The following FBXO8 variants were observed in gnomAD, a reference collection of about 807,000 sequenced individuals.
FBXO8 encodes F-box only protein 8.
FBXO8 carries 15 observed loss-of-function variants against 33.4 expected under a neutral mutation model. The observed-to-expected ratio is 0.45, with a 90% CI of 0.30 to 0.69. The LOEUF (loss-of-function observed/expected upper bound fraction) is 0.69, where lower values mean the gene tolerates loss of function less well. Ranked by LOEUF, FBXO8 falls within the 30% of genes least tolerant of loss-of-function variation. The pLI is 0.08. For synonymous variants in FBXO8, 132 were observed against 131.5 expected (o/e 1.00, Z -0.02); for missense variants, 274 against 380.3 (o/e 0.72, Z 2.32).
chr4:174,256,264 TATCTC>T lies in FBXO8; in HGVS notation c.456+3430_456+3434del, dbSNP rs1736412816. 2 of 381,134 alleles carry T rather than the reference TATCTC, an allele frequency of 5.2e-6. No individual in the cohort carries two copies. Among genetic ancestry groups the T allele is most frequent in the East Asian group, 7.2e-5 (1 of 13,840 alleles). 23.6% of individuals were successfully genotyped at this position (381,134 alleles called of 1,614,324 possible). On this transcript the variant is annotated intron_variant, in intron 3 of 5. Coordinates refer to ENST00000393674, the MANE Select transcript of FBXO8 (RefSeq NM_012180.3). This position sits in a 1 kb window ranked among gnomAD's most constrained non-coding sequence, Gnocchi z 4.6. The stretch of plus-strand genomic sequence containing the variant: ...CAATACTAAGCAATTATATACATCT[TATCTC>T]AGGTACTTGCAAAAAGCATCACATA...
Position 174,257,789 on chromosome 4 carries a change from C to T in FBXO8, c.456+1910G>A, listed in dbSNP as rs931219519. Among the ~76,000 whole-genome samples the T allele has an allele frequency of 2.6e-5, 4 of 152,122 alleles. No individual in the cohort carries two copies. Among genetic ancestry groups the T allele is most frequent in the Admixed American group, 2.6e-4 (4 of 15,272 alleles). On this transcript the variant is annotated intron_variant, in intron 3 of 5. Transcript: ENST00000393674. The surrounding 1 kb of genome is among the most constrained non-coding windows in gnomAD (Gnocchi z 4.3). ...ATTATCATTGAGACAGAGTCTCACT[C>T]TCACAACTTACTGCGCCCTTGACCT...
At chr4:174,280,225 C>G (rs1737047614) in intron 1 of FBXO8, among the ~76,000 whole-genome samples, 1 of 151,800 alleles carries the variant, frequency 6.6e-6, no homozygotes, top group Non-Finnish European at 1.5e-5. Context: ...GTCCAATAAG[C>G]ACAGGAAAAT....
In FBXO8 at chr4:174,265,136, T is replaced by C. The variant is rs1025973002; in HGVS notation, c.-8-2036A>G. On this transcript the variant is annotated intron_variant, in intron 1 of 5. Transcript: ENST00000393674. This position sits in a 1 kb window ranked among gnomAD's most constrained non-coding sequence, Gnocchi z 4.7. ...ACAATACCAAATGCTGGCAAGAATGTAGGAATGCAAAATGATACAACCACT... is the reference window on the plus strand; with the variant it reads ...ACAATACCAAATGCTGGCAAGAATGCAGGAATGCAAAATGATACAACCACT... 6.6e-6 allele frequency among the ~76,000 whole-genome samples: 1 copy of C among 152,080 alleles called. No homozygotes were observed. The highest frequency in any genetic ancestry group is 1.9e-4 in the East Asian group (1 of 5,180).
chr4:174,264,748 T>C (rs1736648694), intron 1 of FBXO8, among the ~76,000 whole-genome samples: 1 of 151,328 alleles, frequency 6.6e-6, no homozygotes, highest in African/African-American at 2.4e-5. Context: ...CACGACACCA[T>C]GGTATTTTTT....
rs80206810 is a variant in FBXO8, at chr4:174,251,474, G to T, written c.456+8225C>A. ...GACTCTGGGAGAAAAGGGAAAAGGA[G>T]GGTGGCTGGGATAGAGTATGGTTAG... On this transcript the variant is annotated intron_variant, in intron 3 of 5. Coordinates refer to ENST00000393674, the MANE Select transcript of FBXO8 (RefSeq NM_012180.3). The surrounding 1 kb of genome is among the most constrained non-coding windows in gnomAD (Gnocchi z 4.2). 2.0e-3 allele frequency among the ~76,000 whole-genome samples: 311 copies of T among 152,226 alleles called. 10 individuals carry two copies. The East Asian group carries it at 0.056, about 27-fold the overall frequency.
rs1458499695 is a variant in FBXO8, at chr4:174,262,202, T to G, written c.329+562A>C. On this transcript the variant is annotated intron_variant, in intron 2 of 5. Transcript: ENST00000393674. This position sits in a 1 kb window ranked among gnomAD's most constrained non-coding sequence, Gnocchi z 4.6. ...CCCTTGCTTTCTAATATTTGCCTAC[T>G]TCATTGAAATGCTGGTTAGAAAAAA... Among the ~76,000 whole-genome samples, 1 of 152,184 alleles carries G rather than the reference T, an allele frequency of 6.6e-6. No homozygotes were observed. Among genetic ancestry groups the G allele is most frequent in the Non-Finnish European group, 1.5e-5 (1 of 68,008 alleles).
At chr4:174,242,648 G>A (rs1208479202) in intron 3 of FBXO8, among the ~76,000 whole-genome samples, 1 of 151,572 alleles carries the variant, frequency 6.6e-6, no homozygotes, top group Non-Finnish European at 1.5e-5. Flanking sequence ...CTGAATACAA[G>A]GGCTAGAAAA....
chr4:174,267,011 T>A lies in FBXO8; in HGVS notation c.-8-3911A>T, dbSNP rs934516620. 1.3e-5 allele frequency among the ~76,000 whole-genome samples: 2 copies of A among 152,196 alleles called. No homozygotes were observed. The highest frequency in any genetic ancestry group is 2.4e-5 in the African/African-American group (1 of 41,446). On this transcript the variant is annotated intron_variant, in intron 1 of 5. Coordinates refer to ENST00000393674, the MANE Select transcript of FBXO8 (RefSeq NM_012180.3). The surrounding 1 kb of genome is among the most constrained non-coding windows in gnomAD (Gnocchi z 4.7). ...TTGTTCATGTTGCTACTTGCACAGCTTTGTAGGGCCTCTACACACAATTCA... is the reference window on the plus strand; with the variant it reads ...TTGTTCATGTTGCTACTTGCACAGCATTGTAGGGCCTCTACACACAATTCA...
rs937343355 is a variant in FBXO8 at position 174,267,645 on chromosome 4, A to G, written c.-8-4545T>C. Among the ~76,000 whole-genome samples, 12 of 152,256 alleles carry G rather than the reference A, an allele frequency of 7.9e-5. No individual in the cohort carries two copies. Among genetic ancestry groups the G allele is most frequent in the Admixed American group, 7.2e-4 (11 of 15,284 alleles). On this transcript the variant is annotated intron_variant, in intron 1 of 5. Transcript: ENST00000393674. This position sits in a 1 kb window ranked among gnomAD's most constrained non-coding sequence, Gnocchi z 4.7. ...ATGCAGTTTCATGCGGGGTTCGTCC[A>G]TGATTTCAAACTCTTGAAAATAGTG...
In FBXO8 at chr4:174,255,429, A is replaced by G. The variant is rs1371934531; in HGVS notation, c.456+4270T>C. Among the ~76,000 whole-genome samples, 1 of 152,216 alleles carries G rather than the reference A, an allele frequency of 6.6e-6. No individual in the cohort carries two copies. The highest frequency in any genetic ancestry group is 1.5e-5 in the Non-Finnish European group (1 of 68,024). ...TAGCTGGTCCAATAACAAAAATAAC[A>G]TGTTATCTTGAAAATAAGTTGCATA... On this transcript the variant is annotated intron_variant, in intron 3 of 5. Coordinates refer to ENST00000393674, the MANE Select transcript of FBXO8 (RefSeq NM_012180.3). This position sits in a 1 kb window ranked among gnomAD's most constrained non-coding sequence, Gnocchi z 4.3.
At chr4:174,242,643 T>C (rs901359684) in intron 3 of FBXO8, among the ~76,000 whole-genome samples, 26 of 151,606 alleles carry the variant, frequency 1.7e-4, no homozygotes, top group African/African-American at 5.1e-4. Flanking sequence ...AAATCCTGAA[T>C]ACAAGGGCTA....
chr4:174,243,244 A>G (rs1212671618), intron 3 of FBXO8, among the ~76,000 whole-genome samples: 2 of 151,384 alleles, frequency 1.3e-5, no homozygotes, highest in Non-Finnish European at 3.0e-5. Context: ...AATACATAGA[A>G]GCAGTCATGA....
Position 174,263,162 on chromosome 4 carries a change from G to GTA in FBXO8, c.-8-64_-8-63dup. The GTA allele has an allele frequency of 7.0e-7, 1 of 1,420,536 alleles. No individual in the cohort carries two copies. The highest frequency in any genetic ancestry group is 9.6e-7 in the Non-Finnish European group (1 of 1,040,730). The allele number at this position is 1,420,536 out of a possible 1,614,324, so 88.0% of individuals were successfully genotyped here. On this transcript the variant is annotated intron_variant, in intron 1 of 5. Coordinates refer to ENST00000393674, the MANE Select transcript of FBXO8 (RefSeq NM_012180.3). The surrounding 1 kb of genome is among the most constrained non-coding windows in gnomAD (Gnocchi z 4.2). Reference sequence around the variant, plus strand: ...AAAAAGTAACCCATTTTTCCCAGTGGTATAACAAATCTGACATGAAGCATT... The same window carrying GTA: ...AAAAAGTAACCCATTTTTCCCAGTGGTATATAACAAATCTGACATGAAGCATT...
rs1737001322 is a variant in FBXO8, at chr4:174,278,382, T to A, written c.-9+5028A>T. Among the ~76,000 whole-genome samples the A allele has an allele frequency of 6.6e-6, 1 of 152,100 alleles. No homozygotes were observed. The highest frequency in any genetic ancestry group is 2.4e-5 in the African/African-American group (1 of 41,436). ...ATTACTTTGTTCCCTGAAGGTTTTT[T>A]TCCTGTTAATTTTATTCTATAAAAA... On this transcript the variant is annotated intron_variant, in intron 1 of 5. Transcript: ENST00000393674. The surrounding 1 kb of genome is among the most constrained non-coding windows in gnomAD (Gnocchi z 4.1).
intron 3 of FBXO8, among the ~76,000 whole-genome samples, chr4:174,248,746 T>C (rs528131092): frequency 1.5e-3 from 225 of 152,208 alleles, no homozygotes; most frequent in African/African-American, 5.0e-3. Context: ...ATTGTTTGAA[T>C]TGGCAAGGAT....
rs140640577 is a variant in FBXO8 at position 174,246,746 on chromosome 4, G to A, written c.457-5528C>T. Among the ~76,000 whole-genome samples, 537 of 152,114 alleles carry A rather than the reference G, an allele frequency of 3.5e-3. 2 individuals are homozygous for A. The highest frequency in any genetic ancestry group is 0.014 in the Middle Eastern group (4 of 294). On this transcript the variant is annotated intron_variant, in intron 3 of 5. Coordinates refer to ENST00000393674, the MANE Select transcript of FBXO8 (RefSeq NM_012180.3). The stretch of plus-strand genomic sequence containing the variant: ...GGGGAAAGGTCTGAAAATACTGCTG[G>A]AGTTTATAATGATTAGCCTGGGGGA...
rs772640188 is a variant in FBXO8, at chr4:174,255,590, TA to T, written c.456+4108del. Among the ~76,000 whole-genome samples the T allele has an allele frequency of 9.8e-3, 1,431 of 145,342 alleles. 17 individuals carry two copies. The highest frequency in any genetic ancestry group is 0.019 in the African/African-American group (754 of 39,914). On this transcript the variant is annotated intron_variant, in intron 3 of 5. Coordinates refer to ENST00000393674, the MANE Select transcript of FBXO8 (RefSeq NM_012180.3). The surrounding 1 kb of genome is among the most constrained non-coding windows in gnomAD (Gnocchi z 4.3). ...CAGAAAAATGTGCTTACATAGTCAT[TA>T]AAAAAAAAAACTTGTTATCTGACCC...
intron 1 of FBXO8, among the ~76,000 whole-genome samples, chr4:174,280,090 T>C (rs545728235): frequency 1.2e-4 from 19 of 152,256 alleles, no homozygotes; most frequent in Admixed American, 1.0e-3. Context: ...TTGAAAATCA[T>C]GTATCTGATA....
chr4:174,260,804 T>C (rs564422938), intron 2 of FBXO8, among the ~76,000 whole-genome samples: 6 of 152,164 alleles, frequency 3.9e-5, no homozygotes, highest in Non-Finnish European at 8.8e-5. Context: ...TATATTCTGA[T>C]ACAATTGTGA....
Sources: gnomAD v4.1 joint callset for allele counts (sites outside exome capture counted in the v4.1 genomes callset) on GRCh38, gnomAD v4.1.1 for gene constraint, Gnocchi (gnomAD v3.1) non-coding constraint, MANE v1.5 for transcripts, NCBI Gene and HGNC (gene_info 2026-07-23, HGNC 2026-07-21) for gene names.